Variants in SIPA1L1 observed in about 807,000 individuals in gnomAD.
SIPA1L1 encodes the protein signal-induced proliferation-associated 1-like protein 1.
A neutral mutation model predicts 162.7 loss-of-function variants in SIPA1L1; 26 were observed. The ratio of observed to expected loss-of-function variants is 0.16; its 90% CI spans 0.12 to 0.22. SIPA1L1 has a LOEUF of 0.22. Ranked by LOEUF, SIPA1L1 falls within the 10% of genes least tolerant of loss-of-function variation. The pLI, the probability that SIPA1L1 is intolerant of heterozygous loss-of-function variation, is 1.00. For synonymous variants in SIPA1L1, 829 were observed against 837.4 expected, an observed-to-expected ratio of 0.99 and a Z score of 0.17; for missense variants, 1,874 against 2,241.0, an observed-to-expected ratio of 0.84 and a Z score of 3.31.
At chr14:71,570,797 A>AT (rs1383323046) in intron 4 of SIPA1L1, among the ~76,000 whole-genome samples, 3 of 152,118 alleles carry the variant, frequency 2.0e-5, no homozygotes, top group Non-Finnish European at 2.9e-5. Flanking sequence ...TTTTTATTTT[A>AT]TTTTTTTGAG....
At position 71,685,635 on chromosome 14, in the gene SIPA1L1, A is replaced by C; in HGVS notation, c.3374+4A>C. 3 of 1,613,828 alleles carry C rather than the reference A, an allele frequency of 1.9e-6. No individual in the cohort carries two copies. In the South Asian group the frequency reaches 3.3e-5, roughly 18 times the overall value. On this transcript the variant is annotated splice_donor_region_variant and intron_variant, in intron 13 of 23. Transcript: ENST00000381232. ...ACGGGCGCCCACTAGAGAGGCGGTA[A>C]GTGTGCCTTCAAAGGTTTGCTCTAT...
At chr14:71,480,413 A>G (rs141922963) in intron 2 of SIPA1L1, among the ~76,000 whole-genome samples, 3 of 149,848 alleles carry the variant, frequency 2.0e-5, no homozygotes, top group Admixed American at 6.6e-5. Context: ...CACAAATTGC[A>G]CACATCTTAA....
intron 9 of SIPA1L1, among the ~76,000 whole-genome samples, chr14:71,660,785 A>G (rs947464173): frequency 3.3e-5 from 5 of 152,218 alleles, no homozygotes; most frequent in Admixed American, 6.5e-5. Context: ...AAGCTGTTTA[A>G]ACCTGAAATT....
chr14:71,474,078 C>G (rs922359024), intron 2 of SIPA1L1, among the ~76,000 whole-genome samples: 3 of 152,150 alleles, frequency 2.0e-5, no homozygotes, highest in Admixed American at 6.5e-5. Flanking sequence ...ATCAGACTTA[C>G]AGATTATGTT....
At chr14:71,486,553 T>C (rs2048771649) in intron 2 of SIPA1L1, among the ~76,000 whole-genome samples, 1 of 152,216 alleles carries the variant, frequency 6.6e-6, no homozygotes, top group Non-Finnish European at 1.5e-5. Flanking sequence ...CCAAATAAAA[T>C]GATACTTCTA....
chr14:71,460,359 C>T lies in SIPA1L1; in HGVS notation c.-464-52384C>T, dbSNP rs138261527. On this transcript the variant is annotated intron_variant, in intron 2 of 23. Transcript: ENST00000381232. ...CATTTGTAGTCCTGTCTGGATTGGG[C>T]GTTGTAGTTTCCCATTGATCTTAAT... Among the ~76,000 whole-genome samples the T allele has an allele frequency of 2.1e-3, 316 of 152,210 alleles. 2 individuals are homozygous for T. Among genetic ancestry groups the T allele is most frequent in the African/African-American group, 7.0e-3 (291 of 41,538 alleles).
At chr14:71,411,659 G>A (rs555247374) in intron 2 of SIPA1L1, among the ~76,000 whole-genome samples, 3 of 152,202 alleles carry the variant, frequency 2.0e-5, no homozygotes, top group East Asian at 3.9e-4. Flanking sequence ...GGGAGCTCCC[G>A]ACTGGAGTCC....
chr14:71,428,464 G>T (rs1318356448), intron 2 of SIPA1L1, among the ~76,000 whole-genome samples: 3 of 151,534 alleles, frequency 2.0e-5, no homozygotes, highest in Non-Finnish European at 2.9e-5. Context: ...TAAATTTAAG[G>T]TCTTTTCAGA....
intron 4 of SIPA1L1, among the ~76,000 whole-genome samples, chr14:71,552,917 G>C (rs1165608377): frequency 6.6e-6 from 1 of 152,066 alleles, no homozygotes; most frequent in Admixed American, 6.6e-5. Flanking sequence ...TTAGGACTCT[G>C]GCATTTGGGG....
At chr14:71,679,490 G>A (rs1242953519) in intron 12 of SIPA1L1, among the ~76,000 whole-genome samples, 1 of 152,182 alleles carries the variant, frequency 6.6e-6, no homozygotes, top group Non-Finnish European at 1.5e-5. Flanking sequence ...ATGCCAAATT[G>A]TACAGACCAT....
intron 5 of SIPA1L1, among the ~76,000 whole-genome samples, chr14:71,615,457 C>T (rs1020655901): frequency 3.1e-4 from 47 of 152,262 alleles, no homozygotes; most frequent in African/African-American, 1.1e-3. Flanking sequence ...AGTTAGAAGA[C>T]TACTACAAAC....
intron 2 of SIPA1L1, among the ~76,000 whole-genome samples, chr14:71,381,445 A>C (rs1040278305): frequency 1.3e-5 from 2 of 152,176 alleles, no homozygotes; most frequent in African/African-American, 2.4e-5. Context: ...GGGAAAGATA[A>C]ATTTATAATG....
At chr14:71,701,855 A>G (rs1295617659) in intron 14 of SIPA1L1, among the ~76,000 whole-genome samples, 5 of 152,214 alleles carry the variant, frequency 3.3e-5, no homozygotes, top group Non-Finnish European at 7.3e-5. Context: ...TTTCTACATG[A>G]TCTAAATGAT....
intron 2 of SIPA1L1, among the ~76,000 whole-genome samples, chr14:71,343,627 T>A (rs1297448154): frequency 6.6e-6 from 1 of 152,122 alleles, no homozygotes; most frequent in Non-Finnish European, 1.5e-5. Context: ...GTTTCTTGTC[T>A]TTAAAAAATG....
intron 2 of SIPA1L1, among the ~76,000 whole-genome samples, chr14:71,390,040 A>G (rs569549362): frequency 6.6e-6 from 1 of 152,214 alleles, no homozygotes; most frequent in South Asian, 2.1e-4. Flanking sequence ...CTGGGGTAGG[A>G]TGATAATTTG....
chr14:71,609,497 T>C (rs889437309), intron 5 of SIPA1L1, among the ~76,000 whole-genome samples: 1 of 151,576 alleles, frequency 6.6e-6, no homozygotes, highest in Non-Finnish European at 1.5e-5. Flanking sequence ...GATGGAGTCT[T>C]GCTCTGTTGC....
intron 2 of SIPA1L1, among the ~76,000 whole-genome samples, chr14:71,482,615 A>G (rs1321996879): frequency 2.0e-5 from 3 of 152,166 alleles, no homozygotes; most frequent in Non-Finnish European, 4.4e-5. Context: ...CCAAAGAAAG[A>G]CTTAGACAGG....
chr14:71,545,687 C>A (rs905972497), intron 4 of SIPA1L1, among the ~76,000 whole-genome samples: 2 of 151,856 alleles, frequency 1.3e-5, no homozygotes, highest in Non-Finnish European at 2.9e-5. Context: ...TTTTAAACTC[C>A]TTTTTCTGGC....
intron 7 of SIPA1L1, among the ~76,000 whole-genome samples, chr14:71,628,327 T>G (rs181830987): frequency 1.3e-4 from 20 of 152,314 alleles, no homozygotes; most frequent in Middle Eastern, 3.4e-3. Context: ...AAGCCCTGGT[T>G]TAAGGCGTTC....
Sources: gnomAD v4.1 joint callset for allele counts (sites outside exome capture counted in the v4.1 genomes callset) on GRCh38, gnomAD v4.1.1 for gene constraint, MANE v1.5 for transcripts, NCBI Gene and HGNC (gene_info 2026-07-23, HGNC 2026-07-21) for gene names.